The following ATP1A1 variants were observed in gnomAD, a reference collection of about 807,000 sequenced individuals.
The protein encoded by ATP1A1 is ATPase Na+/K+ transporting subunit alpha 1, also known as sodium/potassium-transporting ATPase subunit alpha-1.
Under a neutral mutation model 114.8 loss-of-function variants are expected in ATP1A1, and 14 were observed. That is an observed-to-expected ratio of 0.12 (90% CI 0.08 to 0.19). The LOEUF (loss-of-function observed/expected upper bound fraction) is 0.19. ATP1A1 is among the 10% of genes least tolerant of loss of function. The pLI is 1.00. For synonymous variants in ATP1A1, 471 were observed against 466.3 expected, an observed-to-expected ratio of 1.01 and a Z score of -0.13; for missense variants, 524 against 1,290.7, an observed-to-expected ratio of 0.41 and a Z score of 9.10.
Position 116,387,217 on chromosome 1 carries a change from G to A in ATP1A1, c.184-71G>A. The A allele has an allele frequency of 6.5e-7, 1 of 1,550,238 alleles. No individual in the cohort carries two copies. Among genetic ancestry groups the A allele is most frequent in the Admixed American group, 1.7e-5 (1 of 57,478 alleles). ...CTTAAATCCTTATTGCAACCGTCCA[G>A]CTACCAGGTAGGTATATTGCCTTGT... On this transcript the variant is annotated intron_variant, in intron 3 of 22. Transcript: ENST00000295598. The surrounding 1 kb of genome is among the most constrained non-coding windows in gnomAD (Gnocchi z 6.7).
chr1:116,402,691 G>A (rs1653599291), intron 21 of ATP1A1, among the ~76,000 whole-genome samples: 1 of 152,154 alleles, frequency 6.6e-6, no homozygotes, highest in African/African-American at 2.4e-5. Flanking sequence ...CTTTGTGTTT[G>A]GTAAGATCCT....
At chr1:116,373,918 C>T (rs1205234260) in intron 1 of ATP1A1, 20 of 1,310,578 alleles carry the variant, frequency 1.5e-5, no homozygotes, top group Non-Finnish European at 1.8e-5. Context: ...CCTGGCTCCC[C>T]TCCCTGCGAC....
chr1:116,388,547 A>G lies in ATP1A1; in HGVS notation c.502-91A>G. On this transcript the variant is annotated intron_variant, in intron 5 of 22. Coordinates refer to ENST00000295598, the MANE Select transcript of ATP1A1 (RefSeq NM_000701.8). The surrounding 1 kb of genome is among the most constrained non-coding windows in gnomAD (Gnocchi z 5.6). Reference sequence around the variant, plus strand: ...AATATCTTTGTTTTGTATTCAGGTAATTAGGATTATGACTATTTTTATTTT... The same window carrying G: ...AATATCTTTGTTTTGTATTCAGGTAGTTAGGATTATGACTATTTTTATTTT... 2 of 1,466,034 alleles carry G rather than the reference A, an allele frequency of 1.4e-6. No homozygotes were observed. Among genetic ancestry groups the G allele is most frequent in the Non-Finnish European group, 9.2e-7 (1 of 1,082,044 alleles). The allele number at this position is 1,466,034 out of a possible 1,614,324, so 90.8% of individuals were successfully genotyped here.
chr1:116,383,289 A>G (rs1339586675), intron 1 of ATP1A1: 3 of 949,082 alleles, frequency 3.2e-6, no homozygotes, highest in Non-Finnish European at 3.9e-6. Context: ...AAGAATTTTA[A>G]GGAGTCTTAG....
At chr1:116,396,535 A>T in intron 13 of ATP1A1, 63 bp from the exon 14 acceptor site, 1 of 1,587,670 alleles carries the variant, frequency 6.3e-7, no homozygotes, top group Non-Finnish European at 8.6e-7. Context: ...TGCCTACTGG[A>T]TATAAGACTT....
rs1652249420 is a variant in ATP1A1 at position 116,388,558 on chromosome 1, G to T, written c.502-80G>T. ...TTTGTATTCAGGTAATTAGGATTAT[G>T]ACTATTTTTATTTTCTTGTTTTGGA... On this transcript the variant is annotated intron_variant, in intron 5 of 22. Transcript: ENST00000295598. This position sits in a 1 kb window ranked among gnomAD's most constrained non-coding sequence, Gnocchi z 5.6. 2 of 1,490,634 alleles carry T rather than the reference G, an allele frequency of 1.3e-6. No homozygotes were observed. The highest frequency in any genetic ancestry group is 1.3e-5 in the South Asian group (1 of 78,260). 92.3% of individuals were successfully genotyped at this position (1,490,634 alleles called of 1,614,324 possible).
Position 116,401,109 on chromosome 1 carries a change from C to A in ATP1A1, c.2719-21C>A. ...ATGCAGGTGAAGAGCCAGAGCTCAT[C>A]TTCTGTCTTCTGCATTTCAGACCTA... On this transcript the variant is annotated intron_variant, in intron 19 of 22. Coordinates refer to ENST00000295598, the MANE Select transcript of ATP1A1 (RefSeq NM_000701.8). This position sits in a 1 kb window ranked among gnomAD's most constrained non-coding sequence, Gnocchi z 4.7. The A allele has an allele frequency of 1.2e-6, 2 of 1,614,028 alleles. No homozygotes were observed. The highest frequency in any genetic ancestry group is 1.7e-6 in the Non-Finnish European group (2 of 1,179,856).
rs1651754043 is a variant in ATP1A1 at position 116,381,719 on chromosome 1, G to A, written c.13-2295G>A. On this transcript the variant is annotated intron_variant, in intron 1 of 22. Transcript: ENST00000295598. The surrounding 1 kb of genome is among the most constrained non-coding windows in gnomAD (Gnocchi z 5.1). ...TTTGGAACGTGTTCAAAGCCTAGCT[G>A]CTCTAGTAATCCTCTCTCCTCTTCT... Among the ~76,000 whole-genome samples, 1 of 152,216 alleles carries A rather than the reference G, an allele frequency of 6.6e-6. No homozygotes were observed. The highest frequency in any genetic ancestry group is 2.1e-4 in the South Asian group (1 of 4,830).
intron 1 of ATP1A1, chr1:116,374,289 G>C (rs1213583837): frequency 1.0e-5 from 16 of 1,551,438 alleles, no homozygotes; most frequent in African/African-American, 1.4e-5. Flanking sequence ...AACACAGGAT[G>C]CACCGATGGC....
In ATP1A1 at chr1:116,387,092, T is replaced by C. The variant is rs1402762810; in HGVS notation, c.184-196T>C. ...TTATGAGTTCCTTGGGCCTATTGTT[T>C]GCCTGAACCCTGTGGGGACTGGCTC... On this transcript the variant is annotated intron_variant, in intron 3 of 22. Coordinates refer to ENST00000295598, the MANE Select transcript of ATP1A1 (RefSeq NM_000701.8). This position sits in a 1 kb window ranked among gnomAD's most constrained non-coding sequence, Gnocchi z 6.7. 1.3e-5 allele frequency among the ~76,000 whole-genome samples: 2 copies of C among 152,248 alleles called. No individual in the cohort carries two copies. The highest frequency in any genetic ancestry group is 2.9e-5 in the Non-Finnish European group (2 of 68,044).
chr1:116,380,266 TGTCTGGAGGGAATGGTGG>T (rs1557779638), intron 1 of ATP1A1, among the ~76,000 whole-genome samples: 2 of 152,228 alleles, frequency 1.3e-5, no homozygotes, highest in African/African-American at 4.8e-5. Context: ...TTAGCAGACC[TGTCTGGAGGGAATGGTGG>T]GTCTTGAACT....
Position 116,393,513 on chromosome 1 carries a change from C to A in ATP1A1, c.1468-18C>A. 1.9e-6 allele frequency: 3 copies of A among 1,601,558 alleles called. No individual in the cohort carries two copies. The highest frequency in any genetic ancestry group is 2.6e-6 in the Non-Finnish European group (3 of 1,171,860). ...ACATCCAACCATCCAATGTTTATGT[C>A]TCAACAATCCTTCACAGTTGTCTAT... On this transcript the variant is annotated intron_variant, in intron 11 of 22. Coordinates refer to ENST00000295598, the MANE Select transcript of ATP1A1 (RefSeq NM_000701.8). The surrounding 1 kb of genome is among the most constrained non-coding windows in gnomAD (Gnocchi z 5.0).
chr1:116,400,992 T>C lies in ATP1A1; in HGVS notation c.2704T>C (p.Tyr902His). The C allele has an allele frequency of 1.9e-6, 3 of 1,614,210 alleles. No individual in the cohort carries two copies. Among genetic ancestry groups the C allele is most frequent in the Non-Finnish European group, 2.5e-6 (3 of 1,180,042 alleles). The part of the protein sequence containing the change: ...DRWINDVEDS[Y>H]GQQWTYEQRK... Reference sequence around the variant, plus strand: ...CTGGATCAACGATGTGGAAGACAGCTACGGGCAGCAGTGGGTGAGTGGGCA... The same window carrying C: ...CTGGATCAACGATGTGGAAGACAGCCACGGGCAGCAGTGGGTGAGTGGGCA... The change falls in exon 19 of 23, where the codon TAC becomes CAC. Residue 902 changes from tyrosine (Y) to histidine (H), a missense_variant. Transcript: ENST00000295598.
Position 116,389,337 on chromosome 1 carries a change from C to T in ATP1A1, c.755-102C>T, listed in dbSNP as rs552847812. ...GGCCCTTAAAAAGTGCTTTTATCAA[C>T]TCTTTTTGTTTTTTTAGTCATCCTA... On this transcript the variant is annotated intron_variant, in intron 7 of 22. Transcript: ENST00000295598. This position sits in a 1 kb window ranked among gnomAD's most constrained non-coding sequence, Gnocchi z 6.9. 8.6e-5 allele frequency: 128 copies of T among 1,480,940 alleles called. 2 individuals are homozygous for T. The Admixed American group carries it at 2.0e-3, about 23-fold the overall frequency. 91.7% of individuals were successfully genotyped at this position (1,480,940 alleles called of 1,614,324 possible).
chr1:116,374,383 AC>A, intron 1 of ATP1A1: 1 of 1,251,848 alleles, frequency 8.0e-7, no homozygotes, highest in Non-Finnish European at 1.1e-6. Context: ...AGGCAGACCC[AC>A]CAGGGCCTCA....
intron 1 of ATP1A1, among the ~76,000 whole-genome samples, chr1:116,380,024 G>T (rs766812698): frequency 6.6e-6 from 1 of 152,180 alleles, no homozygotes; most frequent in African/African-American, 2.4e-5. Context: ...CTTCTTGCCC[G>T]TCAAAAGCTT....
rs755576753 is a variant in ATP1A1, at chr1:116,384,841, G to A, written c.182G>A (p.Arg61Gln). 2.0e-5 allele frequency: 33 copies of A among 1,613,346 alleles called. No individual in the cohort carries two copies. The highest frequency in any genetic ancestry group is 9.4e-5 in the African/African-American group (7 of 74,842). The part of the protein sequence containing the change: ...LHRKYGTDLS[R>Q]GLTSARAAEI... ...CGTAAATATGGAACAGACTTGAGCC[G>A]GGTATGTTCTAGTTTGAAAGCTGTT... Residue 61 changes from arginine to glutamine, a missense_variant and splice_region_variant, in exon 3 of 23, where the codon CGG becomes CAG. Around this residue, in one of 8 missense-constraint regions of ATP1A1, gnomAD observed 141 missense variants for 316.6 expected, o/e 0.45. Transcript: ENST00000295598. This position sits in a 1 kb window ranked among gnomAD's most constrained non-coding sequence, Gnocchi z 5.1.
In ATP1A1 at chr1:116,393,047, G is replaced by A; in HGVS notation, c.1467+59G>A. ...GCAAGCTGGGGGACAAAGAGGGGAG[G>A]TACATGAGCAGGAAGAGGAAATATT... is the stretch of plus-strand genomic sequence containing the variant. On this transcript the variant is annotated intron_variant, in intron 11 of 22. Coordinates refer to ENST00000295598, the MANE Select transcript of ATP1A1 (RefSeq NM_000701.8). This position sits in a 1 kb window ranked among gnomAD's most constrained non-coding sequence, Gnocchi z 5.0. The A allele has an allele frequency of 2.5e-6, 4 of 1,592,992 alleles. No individual in the cohort carries two copies. The highest frequency in any genetic ancestry group is 3.4e-6 in the Non-Finnish European group (4 of 1,168,926).
In ATP1A1 at chr1:116,373,414, C is replaced by T. The variant is rs970087903; in HGVS notation, c.-98C>T. The T allele has an allele frequency of 9.2e-6, 7 of 758,292 alleles. No individual in the cohort carries two copies. The Admixed American group carries it at 9.8e-5, about 11-fold the overall frequency. 47.0% of individuals were successfully genotyped at this position (758,292 alleles called of 1,614,324 possible). On this transcript the variant is annotated 5_prime_UTR_variant, in exon 1 of 23. Coordinates refer to ENST00000295598, the MANE Select transcript of ATP1A1 (RefSeq NM_000701.8). ...GGCAGCCCTAGCTCCCTCCACTTGGCTCCCCTGGTCCCGCTCGCTCGGCCG... is the reference window on the plus strand; with the variant it reads ...GGCAGCCCTAGCTCCCTCCACTTGGTTCCCCTGGTCCCGCTCGCTCGGCCG...
Sources: allele counts gnomAD v4.1 joint callset (sites outside exome capture counted in the v4.1 genomes callset), GRCh38; gene constraint gnomAD v4.1.1; regional missense constraint gnomAD v4.1.1; non-coding constraint Gnocchi (gnomAD v3.1); transcripts MANE v1.5; gene names NCBI Gene and HGNC (gene_info 2026-07-23, HGNC 2026-07-21).